BORCS5: variants seen among roughly 807,000 people sequenced by gnomAD.
BORCS5 encodes the protein BLOC-1-related complex subunit 5.
In BORCS5, 17 loss-of-function variants were observed where a neutral mutation model predicts 22.1. The observed-to-expected ratio is 0.77, with a 90% CI of 0.53 to 1.15. The LOEUF (loss-of-function observed/expected upper bound fraction) is 1.15, where lower values mean the gene tolerates loss of function less well. BORCS5 is among the 50% of genes most tolerant of loss of function. The pLI is 0.00. For synonymous variants in BORCS5, 117 were observed against 99.8 expected (o/e 1.17, Z -1.03); for missense variants, 247 against 253.2 (o/e 0.98, Z 0.17).
At chr12:12,362,135 T>TA (rs1863299930) in intron 2 of BORCS5, among the ~76,000 whole-genome samples, 1 of 152,220 alleles carries the variant, frequency 6.6e-6, no homozygotes, top group Non-Finnish European at 1.5e-5. Flanking sequence ...CTATTTGAAT[T>TA]AAAATGCCCC....
intron 2 of BORCS5, among the ~76,000 whole-genome samples, chr12:12,394,007 T>G (rs1941268653): frequency 6.6e-6 from 1 of 151,958 alleles, no homozygotes; most frequent in Non-Finnish European, 1.5e-5. Flanking sequence ...TAGCAGCTAC[T>G]GTCAGCTTGG....
At chr12:12,387,822 A>C (rs1237682711) in intron 2 of BORCS5, among the ~76,000 whole-genome samples, 1 of 151,460 alleles carries the variant, frequency 6.6e-6, no homozygotes, top group Non-Finnish European at 1.5e-5. Context: ...ATTCATCCAC[A>C]GTTCAGTGTC....
intron 2 of BORCS5, among the ~76,000 whole-genome samples, chr12:12,393,395 CT>C (rs1192361277): frequency 6.6e-6 from 1 of 152,072 alleles, no homozygotes; most frequent in African/African-American, 2.4e-5. Flanking sequence ...CTTCCACTTT[CT>C]GAACTTGAGA....
At chr12:12,414,260 C>A (rs1467137093) in intron 2 of BORCS5, among the ~76,000 whole-genome samples, 1 of 63,708 alleles carries the variant, frequency 1.6e-5, no homozygotes, top group East Asian at 3.6e-4. Context: ...CAGAGGGGCT[C>A]CTCACTTCCC....
intron 3 of BORCS5, among the ~76,000 whole-genome samples, chr12:12,461,380 G>A (rs554686182): frequency 3.6e-4 from 54 of 151,854 alleles, no homozygotes; most frequent in Non-Finnish European, 6.2e-4. Flanking sequence ...GTGTGTCGTC[G>A]TGGCTGCTCT....
intron 2 of BORCS5, among the ~76,000 whole-genome samples, chr12:12,377,713 CTGTAGTATT>C (rs1383284716): frequency 6.6e-6 from 1 of 152,114 alleles, no homozygotes; most frequent in Non-Finnish European, 1.5e-5. Context: ...TCACTAGCTT[CTGTAGTATT>C]TCAGGGGATC....
At chr12:12,374,021 T>G (rs1159751314) in intron 2 of BORCS5, among the ~76,000 whole-genome samples, 1 of 140,212 alleles carries the variant, frequency 7.1e-6, no homozygotes, top group Non-Finnish European at 1.5e-5. Flanking sequence ...GGAGTCTCGC[T>G]CTGTCGCCCA....
intron 2 of BORCS5, 78 bp from the exon 3 acceptor site, chr12:12,435,550 G>T (rs1180394388): frequency 8.2e-6 from 10 of 1,213,752 alleles, no homozygotes; most frequent in South Asian, 5.8e-5. Context: ...CCTGTCTTCA[G>T]TGAACTTGTT....
intron 2 of BORCS5, among the ~76,000 whole-genome samples, chr12:12,377,191 T>C (rs1311918787): frequency 6.6e-6 from 1 of 151,646 alleles, no homozygotes; most frequent in Non-Finnish European, 1.5e-5. Flanking sequence ...TTTTTTTTTT[T>C]TCTCGAGACG....
At chr12:12,420,663 C>G (rs141995814) in intron 2 of BORCS5, among the ~76,000 whole-genome samples, 2,164 of 152,150 alleles carry the variant, frequency 0.014, 57 homozygotes, top group African/African-American at 0.049. Context: ...GATATTGATT[C>G]TTTGTATCCG....
At chr12:12,427,086 A>G (rs1418941035) in intron 2 of BORCS5, among the ~76,000 whole-genome samples, 3 of 152,010 alleles carry the variant, frequency 2.0e-5, no homozygotes, top group Non-Finnish European at 2.9e-5. Flanking sequence ...CACTTTTTCT[A>G]AGTATCCCGA....
chr12:12,369,404 A>G (rs765235335), intron 2 of BORCS5, among the ~76,000 whole-genome samples: 2 of 151,972 alleles, frequency 1.3e-5, no homozygotes, highest in Non-Finnish European at 2.9e-5. Flanking sequence ...TGGTGTGTAA[A>G]TTGATATGGT....
At chr12:12,464,496 C>T (rs1235821495) in intron 3 of BORCS5, among the ~76,000 whole-genome samples, 2 of 152,098 alleles carry the variant, frequency 1.3e-5, no homozygotes, top group South Asian at 2.1e-4. Context: ...CGGGAAGGGG[C>T]GTGCTCCAGG....
intron 3 of BORCS5, among the ~76,000 whole-genome samples, chr12:12,442,599 T>C (rs1942707275): frequency 6.6e-6 from 1 of 151,868 alleles, no homozygotes; most frequent in Admixed American, 6.6e-5. Flanking sequence ...GGCCCTAAGG[T>C]TTCTCTAATT....
intron 2 of BORCS5, among the ~76,000 whole-genome samples, chr12:12,410,632 T>A (rs1306605743): frequency 1.3e-5 from 2 of 152,196 alleles, no homozygotes; most frequent in African/African-American, 4.8e-5. Flanking sequence ...TACTGTAGCC[T>A]TGTAGTATAG....
At position 12,470,080 on chromosome 12, in the gene BORCS5, T is replaced by C. The variant is rs1943266830; in HGVS notation, c.*4304T>C. Among the ~76,000 whole-genome samples the C allele has an allele frequency of 6.6e-6, 1 of 152,020 alleles. No homozygotes were observed. The highest frequency in any genetic ancestry group is 1.5e-5 in the Non-Finnish European group (1 of 68,004). ...GGTGAAGCTTCACGTGTTGTTGTTGTTGTTTATTGAGATGGAGTCTCGCTC... is the reference window on the plus strand; with the variant it reads ...GGTGAAGCTTCACGTGTTGTTGTTGCTGTTTATTGAGATGGAGTCTCGCTC... On this transcript the variant is annotated 3_prime_UTR_variant, in exon 4 of 4. Coordinates refer to ENST00000314565, the MANE Select transcript of BORCS5 (RefSeq NM_058169.6).
intron 2 of BORCS5, among the ~76,000 whole-genome samples, chr12:12,417,594 A>G (rs1942003277): frequency 6.6e-6 from 1 of 152,148 alleles, no homozygotes; most frequent in Admixed American, 6.5e-5. Context: ...TTTCCCTTCA[A>G]TTTTGTCAGT....
At chr12:12,395,494 C>A (rs1415052115) in intron 2 of BORCS5, among the ~76,000 whole-genome samples, 1 of 140,564 alleles carries the variant, frequency 7.1e-6, no homozygotes, top group Admixed American at 7.6e-5. Context: ...ACCATGTTGG[C>A]CAGGCTGATC....
chr12:12,457,290 C>A (rs138804280), intron 3 of BORCS5, among the ~76,000 whole-genome samples: 135 of 152,348 alleles, frequency 8.9e-4, no homozygotes, highest in African/African-American at 3.0e-3. Context: ...GGTAATCAGT[C>A]ATCTGCAGAA....
Sources: allele counts gnomAD v4.1 joint callset (sites outside exome capture counted in the v4.1 genomes callset), GRCh38; gene constraint gnomAD v4.1.1; transcripts MANE v1.5; gene names NCBI Gene and HGNC (gene_info 2026-07-23, HGNC 2026-07-21).